The following MGAT4C variants were observed in gnomAD, a reference collection of about 807,000 sequenced individuals.
MGAT4C encodes MGAT4 family member C.
Under a neutral mutation model 40.1 loss-of-function variants are expected in MGAT4C, and 19 were observed. That is an observed-to-expected ratio of 0.47 (90% CI 0.33 to 0.70). The LOEUF is 0.70. MGAT4C is among the 30% of genes least tolerant of loss of function. The pLI is 0.02. For synonymous variants in MGAT4C, 181 were observed against 187.1 expected, an observed-to-expected ratio of 0.97 and a Z score of 0.27; for missense variants, 491 against 563.2, an observed-to-expected ratio of 0.87 and a Z score of 1.30.
rs1031123769 is a variant in MGAT4C, at chr12:86,422,649, C to A, written c.-120+12508G>T. ...CAATTTAAAAAGAATCATAAAATTT[C>A]TATTTCCTTTTTATAACATAACATG... On this transcript the variant is annotated intron_variant, in intron 3 of 7. Transcript: ENST00000548651. 5.9e-5 allele frequency among the ~76,000 whole-genome samples: 9 copies of A among 152,254 alleles called. No homozygotes were observed. In the East Asian group the frequency reaches 1.7e-3, roughly 29 times the overall value.
In MGAT4C at chr12:86,073,094, T is replaced by C. The variant is rs1532737; in HGVS notation, c.-56-23371A>G. 9.0e-3 allele frequency among the ~76,000 whole-genome samples: 1,375 copies of C among 152,224 alleles called. 20 individuals carry two copies. Among genetic ancestry groups the C allele is most frequent in the African/African-American group, 0.031 (1,289 of 41,544 alleles). On this transcript the variant is annotated intron_variant, in intron 1 of 4. Coordinates refer to ENST00000611864, the MANE Select transcript of MGAT4C (RefSeq NM_001351288.2). ...ATGAGAGGGACCTGGTGGGAGACAATTGAATCATGGGGGTGGTTTTCCTCA... is the reference window on the plus strand; with the variant it reads ...ATGAGAGGGACCTGGTGGGAGACAACTGAATCATGGGGGTGGTTTTCCTCA...
At chr12:86,288,065 C>T (rs971320051) in intron 4 of MGAT4C, among the ~76,000 whole-genome samples, 2 of 152,166 alleles carry the variant, frequency 1.3e-5, no homozygotes, top group South Asian at 2.1e-4. Flanking sequence ...GATGGTATCT[C>T]GTTGTGGTTT....
intron 4 of MGAT4C, among the ~76,000 whole-genome samples, chr12:86,273,495 A>G (rs1952997846): frequency 6.6e-6 from 1 of 152,192 alleles, no homozygotes; most frequent in Non-Finnish European, 1.5e-5. Context: ...CAATACAAAC[A>G]AATATATACA....
chr12:86,096,434 T>A (rs920919759), intron 1 of MGAT4C, among the ~76,000 whole-genome samples: 6 of 151,174 alleles, frequency 4.0e-5, no homozygotes, highest in African/African-American at 1.5e-4. Context: ...CCTTCCTTTT[T>A]TTTCTTTCTT....
intron 1 of MGAT4C, among the ~76,000 whole-genome samples, chr12:86,177,774 T>G (rs1321282016): frequency 6.6e-6 from 1 of 152,144 alleles, no homozygotes; most frequent in Non-Finnish European, 1.5e-5. Flanking sequence ...TACTAATCAT[T>G]TCCATATGAA....
intron 1 of MGAT4C, among the ~76,000 whole-genome samples, chr12:86,120,217 T>TTTAC (rs33923525): frequency 3.8e-4 from 1 of 2,654 alleles, no homozygotes; most frequent in African/African-American, 5.7e-3. Flanking sequence ...TTTTATTATT[T>TTTAC]TTATTTTATT....
intron 1 of MGAT4C, among the ~76,000 whole-genome samples, chr12:86,767,049 A>G (rs995582799): frequency 2.6e-5 from 4 of 152,216 alleles, no homozygotes; most frequent in Non-Finnish European, 4.4e-5. Flanking sequence ...AAAGACACAA[A>G]AAACCCTTCA....
At chr12:86,294,684 GAA>G (rs374105383) in intron 4 of MGAT4C, among the ~76,000 whole-genome samples, 1 of 152,070 alleles carries the variant, frequency 6.6e-6, no homozygotes, top group African/African-American at 2.4e-5. Context: ...TGTTGGGGGG[GAA>G]AAAAGTTAAA....
At chr12:86,685,687 T>A (rs1322842219) in intron 2 of MGAT4C, among the ~76,000 whole-genome samples, 1 of 152,218 alleles carries the variant, frequency 6.6e-6, no homozygotes, top group Non-Finnish European at 1.5e-5. Context: ...TCCATTTGTT[T>A]GTGCCCTCTC....
In MGAT4C at chr12:85,963,776, G is replaced by A. The variant is rs1883230213; in HGVS notation, c.*15513C>T. On this transcript the variant is annotated 3_prime_UTR_variant, in exon 5 of 5. Coordinates refer to ENST00000611864, the MANE Select transcript of MGAT4C (RefSeq NM_001351288.2). Reference sequence around the variant, plus strand: ...TGTAAATGGGGTGGGTGATGGGAGAGAGAAAACAAAATAATTATTTATGTT... The same window carrying A: ...TGTAAATGGGGTGGGTGATGGGAGAAAGAAAACAAAATAATTATTTATGTT... The A allele has an allele frequency of 6.6e-6, 1 of 151,904 alleles. No homozygotes were observed. Among genetic ancestry groups the A allele is most frequent in the African/African-American group, 2.4e-5 (1 of 41,390 alleles). The allele number at this position is 151,904 out of a possible 1,614,324, so 9.4% of individuals were successfully genotyped here. A position where few individuals can be genotyped will look rare whatever the true frequency, so the allele number is the denominator to read the frequency against.
chr12:86,096,441 T>A (rs1402688610), intron 1 of MGAT4C, among the ~76,000 whole-genome samples: 5 of 151,242 alleles, frequency 3.3e-5, no homozygotes, highest in Non-Finnish European at 7.4e-5. Context: ...TTTTTTTCTT[T>A]CTTTCATATT....
At chr12:86,303,277 A>C (rs1953858276) in intron 4 of MGAT4C, among the ~76,000 whole-genome samples, 1 of 150,570 alleles carries the variant, frequency 6.6e-6, no homozygotes, top group African/African-American at 2.5e-5. Context: ...TCCTTTCTCC[A>C]GAGCTCTGAA....
intron 4 of MGAT4C, among the ~76,000 whole-genome samples, chr12:86,312,866 T>A (rs1287510588): frequency 6.6e-6 from 1 of 152,106 alleles, no homozygotes; most frequent in Non-Finnish European, 1.5e-5. Flanking sequence ...GTGGGCTGAG[T>A]GCCCTGCAGT....
At chr12:86,132,766 T>C (rs1304525906) in intron 1 of MGAT4C, among the ~76,000 whole-genome samples, 2 of 121,070 alleles carry the variant, frequency 1.7e-5, no homozygotes, top group Non-Finnish European at 3.1e-5. Flanking sequence ...CACTCCAGCC[T>C]GGGCTACAGA....
At position 86,373,377 on chromosome 12, in the gene MGAT4C, G is replaced by T. The variant is rs547120907; in HGVS notation, c.-119-39250C>A. Among the ~76,000 whole-genome samples the T allele has an allele frequency of 1.8e-4, 28 of 152,054 alleles. No homozygotes were observed. In the South Asian group the frequency reaches 5.8e-3, roughly 32 times the overall value. ...TGACCCTATTGTAAACATTTATCATGATTGCACAGTACTGTAGACAATGAG... is the reference window on the plus strand; with the variant it reads ...TGACCCTATTGTAAACATTTATCATTATTGCACAGTACTGTAGACAATGAG... On this transcript the variant is annotated intron_variant, in intron 3 of 7. Coordinates refer to the MGAT4C transcript ENST00000548651.
At chr12:86,385,945 T>G (rs544505270) in intron 3 of MGAT4C, among the ~76,000 whole-genome samples, 28 of 152,304 alleles carry the variant, frequency 1.8e-4, no homozygotes, top group South Asian at 1.0e-3. Context: ...TATTTATTTT[T>G]TTTGAGACGG....
chr12:86,043,938 G>C (rs1892138367), intron 2 of MGAT4C, among the ~76,000 whole-genome samples: 1 of 152,200 alleles, frequency 6.6e-6, no homozygotes, highest in African/African-American at 2.4e-5. Flanking sequence ...TTTGAGGTGA[G>C]AGGACACTTT....
intron 1 of MGAT4C, among the ~76,000 whole-genome samples, chr12:86,067,557 G>T (rs967961070): frequency 1.3e-5 from 2 of 151,934 alleles, no homozygotes; most frequent in Non-Finnish European, 2.9e-5. Context: ...GGGCCTGTTG[G>T]GGGGTGGGGG....
intron 2 of MGAT4C, among the ~76,000 whole-genome samples, chr12:86,489,783 C>G (rs953910566): frequency 1.3e-5 from 2 of 152,072 alleles, no homozygotes; most frequent in Non-Finnish European, 2.9e-5. Flanking sequence ...TGCATCAAAG[C>G]CTCAGGAGCC....
Sources: allele counts gnomAD v4.1 joint callset (sites outside exome capture counted in the v4.1 genomes callset), GRCh38; gene constraint gnomAD v4.1.1; transcripts MANE v1.5; gene names NCBI Gene and HGNC (gene_info 2026-07-23, HGNC 2026-07-21).